CEP72: variants seen among roughly 807,000 people sequenced by gnomAD.
The protein encoded by CEP72 is centrosomal protein of 72 kDa.
A neutral mutation model predicts 65.7 loss-of-function variants in CEP72; 78 were observed. The observed-to-expected ratio is 1.19, with a 90% confidence interval of 0.99 to 1.43. The LOEUF is 1.43. Ranked by LOEUF, CEP72 falls within the 40% of genes most tolerant of loss-of-function variation. CEP72 has a pLI of 0.00. For synonymous variants in CEP72, 358 were observed against 351.7 expected, an observed-to-expected ratio of 1.02 and a Z score of -0.20; for missense variants, 914 against 832.9, an observed-to-expected ratio of 1.10 and a Z score of -1.20.
intron 5 of CEP72, among the ~76,000 whole-genome samples, chr5:634,210 T>A (rs552296878): frequency 1.1e-4 from 16 of 152,364 alleles, no homozygotes; most frequent in Non-Finnish European, 2.1e-4. Flanking sequence ...AAAGGCAAAC[T>A]GTCTAAAACA....
At chr5:637,435 C>T in intron 6 of CEP72, 82 bp from the exon 7 acceptor site, 1 of 1,265,438 alleles carries the variant, frequency 7.9e-7, no homozygotes, top group Non-Finnish European at 1.1e-6. Context: ...TGGGCACACA[C>T]ATGCCTTTTA....
At chr5:673,613 C>G in the CEP72 span, among the ~76,000 whole-genome samples, 2 of 152,198 alleles carry the variant, frequency 1.3e-5, no homozygotes, top group Non-Finnish European at 2.9e-5. Context: ...GGGTCTCAGC[C>G]TCAACCCCTC....
rs1450619971 is a variant in CEP72 at position 633,774 on chromosome 5, A to C, written c.518A>C (p.His173Pro). ...VPASLKEGRP[H>P]HPRAKCTEAL... The stretch of plus-strand genomic sequence containing the variant: ...GAGTTTGCTTTTCCTTACAGACCAC[A>C]CCACCCCAGAGCCAAGTGCACCGAG... The change falls in exon 5 of 12, where the codon CAC (histidine) becomes CCC (proline). Residue 173 changes from histidine (H) to proline (P), a missense_variant. Physicochemically the swap from His to Pro is moderately conservative, Grantham distance 77. Coordinates refer to ENST00000264935, the MANE Select transcript of CEP72 (RefSeq NM_018140.4). 3 of 1,613,840 alleles carry C rather than the reference A, an allele frequency of 1.9e-6. No individual in the cohort carries two copies. Among genetic ancestry groups the C allele is most frequent in the Non-Finnish European group, 2.5e-6 (3 of 1,180,006 alleles).
chr5:674,007 A>G, the CEP72 span, among the ~76,000 whole-genome samples: 1 of 152,208 alleles, frequency 6.6e-6, no homozygotes, highest in African/African-American at 2.4e-5. Flanking sequence ...AACTTTCTGC[A>G]GAAGGAATCA....
At chr5:636,116 C>T (rs1280502866) in intron 6 of CEP72, among the ~76,000 whole-genome samples, 1 of 152,238 alleles carries the variant, frequency 6.6e-6, no homozygotes, top group Non-Finnish European at 1.5e-5. Context: ...CGAACTACAG[C>T]AACATGAAAT....
downstream of CEP72, among the ~76,000 whole-genome samples, chr5:657,581 G>A (rs999226528): frequency 6.6e-6 from 1 of 152,236 alleles, no homozygotes; most frequent in Non-Finnish European, 1.5e-5. Flanking sequence ...TACTGATCCA[G>A]TATAACTCAG....
intron 5 of CEP72, among the ~76,000 whole-genome samples, chr5:634,640 G>A (rs185591718): frequency 6.6e-6 from 1 of 152,212 alleles, no homozygotes; most frequent in East Asian, 1.9e-4. Context: ...ATTTGCATCC[G>A]CTGCTGTTGA....
chr5:615,747 C>T (rs746152692), intron 1 of CEP72, among the ~76,000 whole-genome samples: 3 of 152,112 alleles, frequency 2.0e-5, no homozygotes, highest in Non-Finnish European at 4.4e-5. Flanking sequence ...TCTTCTGTTT[C>T]CCTTTTCCTG....
downstream of CEP72, among the ~76,000 whole-genome samples, chr5:669,328 C>T (rs866424108): frequency 4.5e-4 from 69 of 152,166 alleles, no homozygotes; most frequent in African/African-American, 1.4e-3. Context: ...TGGGGGTCCG[C>T]GGTGTTGGGG....
At chr5:672,970 C>T in the CEP72 span, among the ~76,000 whole-genome samples, 1 of 152,224 alleles carries the variant, frequency 6.6e-6, no homozygotes, top group Admixed American at 6.5e-5. Flanking sequence ...GCTGGCGCCA[C>T]GCCGGTGGAG....
intron 4 of CEP72, among the ~76,000 whole-genome samples, chr5:627,730 A>C (rs1736846401): frequency 6.6e-6 from 1 of 152,216 alleles, no homozygotes; most frequent in South Asian, 2.1e-4. Flanking sequence ...TCTAATACAT[A>C]TAGGAATAAA....
chr5:639,260 C>T, intron 8 of CEP72, 36 bp downstream of exon 8: 1 of 1,528,952 alleles, frequency 6.5e-7, no homozygotes. Context: ...GCCCTGTAGG[C>T]AGCGTCTGTG....
At chr5:658,266 A>G (rs57977795), downstream of CEP72, among the ~76,000 whole-genome samples, 1,491 of 152,338 alleles carry the variant, frequency 9.8e-3, 29 homozygotes, top group African/African-American at 0.034. Flanking sequence ...CCAGTGTCCA[A>G]GCAGGCAGGG....
chr5:668,218 CA>C (rs1740019689), downstream of CEP72, among the ~76,000 whole-genome samples: 3 of 101,186 alleles, frequency 3.0e-5, no homozygotes, highest in African/African-American at 8.2e-5. Flanking sequence ...GACAAGCACA[CA>C]GAGAGGGGGC....
intron 4 of CEP72, among the ~76,000 whole-genome samples, chr5:633,212 T>G (rs1228559921): frequency 9.9e-6 from 1 of 100,586 alleles, no homozygotes; most frequent in East Asian, 3.5e-4. Flanking sequence ...AGACCAGTCC[T>G]GGTGGGGTTC....
chr5:668,793 C>T (rs543958608), downstream of CEP72, among the ~76,000 whole-genome samples: 17 of 152,244 alleles, frequency 1.1e-4, no homozygotes, highest in African/African-American at 2.7e-4. Context: ...CCTTCAGCAG[C>T]GGCCAGACCA....
intron 1 of CEP72, 177 bp downstream of exon 1, chr5:612,620 GTGCCC>G: frequency 1.0e-6 from 1 of 985,340 alleles, no homozygotes; most frequent in Non-Finnish European, 1.2e-6. Context: ...CCCACCCCCC[GTGCCC>G]AGGTGCGGCC....
chr5:672,182 G>T, the CEP72 span, among the ~76,000 whole-genome samples: 2 of 152,190 alleles, frequency 1.3e-5, no homozygotes, highest in African/African-American at 4.8e-5. Flanking sequence ...CACACTTGGG[G>T]TGACCACAGA....
At chr5:615,228 C>G (rs769034656) in intron 1 of CEP72, among the ~76,000 whole-genome samples, 1 of 151,242 alleles carries the variant, frequency 6.6e-6, no homozygotes, top group Non-Finnish European at 1.5e-5. Flanking sequence ...CTCTGCCTCC[C>G]GGGTTCACAT....
Sources: allele counts gnomAD v4.1 joint callset (sites outside exome capture counted in the v4.1 genomes callset), GRCh38; gene constraint gnomAD v4.1.1; transcripts MANE v1.5; gene names NCBI Gene and HGNC (gene_info 2026-07-23, HGNC 2026-07-21).